The following PRICKLE2 variants were observed in gnomAD, a reference collection of about 807,000 sequenced individuals.
PRICKLE2 encodes prickle-like protein 2.
A neutral mutation model predicts 81.4 loss-of-function variants in PRICKLE2; 21 were observed. That is an observed-to-expected ratio of 0.26 (90% CI 0.18 to 0.37). PRICKLE2 has a LOEUF of 0.37. Ranked by LOEUF, PRICKLE2 falls within the 10% of genes least tolerant of loss-of-function variation. PRICKLE2 has a pLI of 1.00. For synonymous variants in PRICKLE2, 456 were observed against 421.5 expected (o/e 1.08, Z -1.00); for missense variants, 940 against 1,109.0 (o/e 0.85, Z 2.16).
intron 1 of PRICKLE2, 155 bp from the exon 2 acceptor site, chr3:64,199,122 G>A (rs1282089021): frequency 1.4e-6 from 1 of 707,518 alleles, no homozygotes; most frequent in East Asian, 2.7e-5. Flanking sequence ...TCCAGAACAT[G>A]ACTGTCTTTG....
chr3:64,239,065 C>A (rs893450954), intron 2 of PRICKLE2, among the ~76,000 whole-genome samples: 6 of 152,094 alleles, frequency 3.9e-5, no homozygotes, highest in African/African-American at 2.4e-5. Flanking sequence ...AGGGGACAGG[C>A]CCAGACGGAT....
chr3:64,118,635 C>A (rs1307464422), intron 7 of PRICKLE2, among the ~76,000 whole-genome samples: 1 of 152,054 alleles, frequency 6.6e-6, no homozygotes, highest in African/African-American at 2.4e-5. Flanking sequence ...CAACTCAAAA[C>A]CATGATGAGA....
chr3:64,159,914 C>G, intron 4 of PRICKLE2, 26 bp downstream of exon 4: 7 of 1,614,032 alleles, frequency 4.3e-6, no homozygotes, highest in Non-Finnish European at 5.9e-6. Flanking sequence ...AACAATGCCT[C>G]TTCACTCCCC....
chr3:64,209,342 C>T (rs1441176770), intron 1 of PRICKLE2, among the ~76,000 whole-genome samples: 1 of 151,930 alleles, frequency 6.6e-6, no homozygotes, highest in Non-Finnish European at 1.5e-5. Flanking sequence ...ATCCATCCAC[C>T]TATCTATCCA....
chr3:64,179,163 A>G (rs1441131018), intron 2 of PRICKLE2, among the ~76,000 whole-genome samples: 1 of 150,086 alleles, frequency 6.7e-6, no homozygotes, highest in Admixed American at 6.7e-5. Context: ...CACAACCTCC[A>G]CCTCCTGGGT....
rs193286855 is a variant in PRICKLE2, at chr3:64,197,957, A to G, written c.144+827T>C. Among the ~76,000 whole-genome samples the G allele has an allele frequency of 2.5e-3, 384 of 152,194 alleles. 4 individuals are homozygous for G. Among genetic ancestry groups the G allele is most frequent in the African/African-American group, 8.6e-3 (359 of 41,518 alleles). ...CCGGGTGTGGTGGCTCACGCCTGTAATCCCAGCACTTTGGGAGGCCAACAC... is the reference window on the plus strand; with the variant it reads ...CCGGGTGTGGTGGCTCACGCCTGTAGTCCCAGCACTTTGGGAGGCCAACAC... On this transcript the variant is annotated intron_variant, in intron 2 of 7. Transcript: ENST00000638394.
chr3:64,202,645 C>CGTGTGT (rs71099794), intron 1 of PRICKLE2, among the ~76,000 whole-genome samples: 54,653 of 149,276 alleles, frequency 0.37, 10,969 homozygotes, highest in Admixed American at 0.46. Flanking sequence ...TACTTGTGTG[C>CGTGTGT]GTGTGTGTGT....
At chr3:64,199,028 C>G (rs570820745) in intron 1 of PRICKLE2, 61 bp from the exon 2 acceptor site, 43 of 1,501,714 alleles carry the variant, frequency 2.9e-5, no homozygotes, top group African/African-American at 4.1e-5. Flanking sequence ...TTTCCAAGAG[C>G]CTGCCAGTCA....
At chr3:64,186,797 C>T (rs1295042511) in intron 2 of PRICKLE2, among the ~76,000 whole-genome samples, 2 of 152,136 alleles carry the variant, frequency 1.3e-5, no homozygotes, top group African/African-American at 4.8e-5. Flanking sequence ...TGGATTAATC[C>T]AATCATCCCA....
intron 7 of PRICKLE2, among the ~76,000 whole-genome samples, chr3:64,134,222 A>G (rs1413338897): frequency 2.0e-5 from 3 of 152,172 alleles, no homozygotes; most frequent in African/African-American, 4.8e-5. Flanking sequence ...TACGGTTTCA[A>G]CCAGGTCAAC....
At chr3:64,224,659 T>C (rs1271276020) in intron 1 of PRICKLE2, among the ~76,000 whole-genome samples, 1 of 152,172 alleles carries the variant, frequency 6.6e-6, no homozygotes, top group East Asian at 1.9e-4. Context: ...ACGCTGCTTC[T>C]TCTTAAGCAT....
chr3:64,200,884 G>T, intron 1 of PRICKLE2: 1 of 152,202 alleles, frequency 6.6e-6, no homozygotes, highest in Non-Finnish European at 1.5e-5. Flanking sequence ...CAAAGTGCTG[G>T]GATTACAGGC....
At chr3:64,205,114 A>AAAAC (rs1553653474) in intron 1 of PRICKLE2, among the ~76,000 whole-genome samples, 1 of 151,724 alleles carries the variant, frequency 6.6e-6, no homozygotes, top group Non-Finnish European at 1.5e-5. Context: ...AAAAAAAAAA[A>AAAAC]AACATACAAA....
chr3:64,134,118 G>A (rs2077240336), intron 7 of PRICKLE2, among the ~76,000 whole-genome samples: 1 of 152,182 alleles, frequency 6.6e-6, no homozygotes, highest in South Asian at 2.1e-4. Flanking sequence ...ACACCACCCA[G>A]CAGCCCCACT....
chr3:64,221,285 A>C (rs2078947715), intron 1 of PRICKLE2, among the ~76,000 whole-genome samples: 1 of 152,038 alleles, frequency 6.6e-6, no homozygotes, highest in African/African-American at 2.4e-5. Context: ...GGGAAATAAC[A>C]CAACAAGCAA....
intron 2 of PRICKLE2, among the ~76,000 whole-genome samples, chr3:64,172,605 AAG>A: frequency 6.6e-6 from 1 of 152,308 alleles, no homozygotes; most frequent in East Asian, 1.9e-4. Context: ...GTAACTAACA[AAG>A]AGAGAGGCAC....
At chr3:64,176,343 G>T (rs1399542298) in intron 2 of PRICKLE2, among the ~76,000 whole-genome samples, 1 of 152,172 alleles carries the variant, frequency 6.6e-6, no homozygotes, top group Non-Finnish European at 1.5e-5. Flanking sequence ...GAGTCCTTAG[G>T]AGTGTCCTAC....
At chr3:64,170,397 C>T (rs1443187377) in intron 2 of PRICKLE2, among the ~76,000 whole-genome samples, 1 of 152,138 alleles carries the variant, frequency 6.6e-6, no homozygotes, top group South Asian at 2.1e-4. Flanking sequence ...AGTCATTTTC[C>T]ACCACCCCTG....
chr3:64,120,422 T>A (rs148958086), intron 7 of PRICKLE2, among the ~76,000 whole-genome samples: 2 of 152,080 alleles, frequency 1.3e-5, no homozygotes, highest in Non-Finnish European at 2.9e-5. Context: ...GATAAGGAAC[T>A]GAAAACAGAA....
Sources: allele counts gnomAD v4.1 joint callset (sites outside exome capture counted in the v4.1 genomes callset), GRCh38; gene constraint gnomAD v4.1.1; transcripts MANE v1.5; gene names NCBI Gene and HGNC (gene_info 2026-07-23, HGNC 2026-07-21).